MYO3B: variants seen among roughly 807,000 people sequenced by gnomAD.
The protein encoded by MYO3B is myosin IIIB, also known as myosin-IIIb.
A neutral mutation model predicts 174.6 loss-of-function variants in MYO3B; 156 were observed. That is an observed-to-expected ratio of 0.89 (90% CI 0.78 to 1.02). The LOEUF is 1.02. MYO3B is among the 50% of genes least tolerant of loss of function. The probability of loss-of-function intolerance (pLI) is 0.00; values close to 1 mark genes in which losing one functional copy is unlikely to be tolerated. For synonymous variants in MYO3B, 563 were observed against 569.1 expected (o/e 0.99, Z 0.15); for missense variants, 1,632 against 1,639.4 (o/e 1.00, Z 0.08).
rs768974458 is a variant in MYO3B, at chr2:170,580,718, A to ATATATATATGTGTG, written c.3733+36731_3733+36732insATATATATGTGTGT. Among the ~76,000 whole-genome samples the ATATATATATGTGTG allele has an allele frequency of 1.1e-3, 158 of 142,772 alleles. 1 individual carries two copies. Among genetic ancestry groups the ATATATATATGTGTG allele is most frequent in the African/African-American group, 3.3e-3 (127 of 38,250 alleles). The allele number at this position is 142,772 out of a possible 152,430, so 93.7% of individuals were successfully genotyped here. A position where few individuals can be genotyped will look rare whatever the true frequency, so the allele number is the denominator to read the frequency against. On this transcript the variant is annotated intron_variant, in intron 32 of 34. Transcript: ENST00000408978. ...CTTCAGGTCCCACAAAACCTTATAT[A>ATATATATATGTGTG]TGTGTGTGTGTGTGTGTGTGTGTGT...
At chr2:170,382,331 G>T in intron 10 of MYO3B, 2 of 392,956 alleles carry the variant, frequency 5.1e-6, no homozygotes, top group Admixed American at 3.7e-5. Context: ...AAAGGATTTG[G>T]ATTTTTGCAA....
Position 170,442,743 on chromosome 2 carries a change from A to C in MYO3B, c.2651-1224A>C, listed in dbSNP as rs369929453. Among the ~76,000 whole-genome samples, 32 of 152,232 alleles carry C rather than the reference A, an allele frequency of 2.1e-4. 1 individual carries two copies. The highest frequency in any genetic ancestry group is 7.7e-4 in the African/African-American group (32 of 41,546). On this transcript the variant is annotated intron_variant, in intron 22 of 34. Coordinates refer to ENST00000408978, the MANE Select transcript of MYO3B (RefSeq NM_138995.5). ...GTTGAATTCCCACCTATGAGTGAGA[A>C]CATGCAGTATTTGGTTTTCTGTCCT... is the stretch of plus-strand genomic sequence containing the variant.
At chr2:170,212,033 C>T (rs900240336) in intron 3 of MYO3B, among the ~76,000 whole-genome samples, 14 of 151,620 alleles carry the variant, frequency 9.2e-5, no homozygotes, top group African/African-American at 1.7e-4. Flanking sequence ...CACCTGAGGT[C>T]GGGAGTTCAA....
chr2:170,619,059 G>C (rs557352790), intron 32 of MYO3B, among the ~76,000 whole-genome samples: 1 of 152,324 alleles, frequency 6.6e-6, no homozygotes, highest in South Asian at 2.1e-4. Context: ...AGTTAGACCA[G>C]AAATTCTCAG....
At chr2:170,284,901 A>G (rs2093542702) in intron 7 of MYO3B, among the ~76,000 whole-genome samples, 1 of 152,180 alleles carries the variant, frequency 6.6e-6, no homozygotes, top group Non-Finnish European at 1.5e-5. Context: ...ATATGCATAT[A>G]TTTATAATAT....
In MYO3B at chr2:170,475,544, C is replaced by G. The variant is rs1685261388; in HGVS notation, c.3014+8833C>G. ...TGCTGGGATTACAGGTGTGAGCCAC[C>G]ACGTCCAGCTTATTCTCTCCTTTTG... is the stretch of plus-strand genomic sequence containing the variant. On this transcript the variant is annotated intron_variant, in intron 25 of 34. Transcript: ENST00000408978. Among the ~76,000 whole-genome samples the G allele has an allele frequency of 2.0e-5, 3 of 152,128 alleles. No homozygotes were observed. The South Asian group carries it at 6.2e-4, about 32-fold the overall frequency.
At chr2:170,436,136 A>G (rs1231453210) in intron 22 of MYO3B, among the ~76,000 whole-genome samples, 1 of 152,200 alleles carries the variant, frequency 6.6e-6, no homozygotes, top group African/African-American at 2.4e-5. Flanking sequence ...AAATTCCATT[A>G]GATGCCTCTG....
At chr2:170,613,929 G>A (rs1695282435) in intron 32 of MYO3B, among the ~76,000 whole-genome samples, 1 of 152,114 alleles carries the variant, frequency 6.6e-6, no homozygotes, top group Admixed American at 6.6e-5. Context: ...TTGTGATCAT[G>A]TAAGTTAATA....
intron 9 of MYO3B, among the ~76,000 whole-genome samples, chr2:170,370,675 A>G (rs2094235663): frequency 1.6e-5 from 2 of 126,974 alleles, no homozygotes; most frequent in East Asian, 2.5e-4. Context: ...ACACACACAC[A>G]GCACCACCAC....
At chr2:170,357,404 G>A (rs901123495) in intron 8 of MYO3B, among the ~76,000 whole-genome samples, 15 of 144,620 alleles carry the variant, frequency 1.0e-4, no homozygotes, top group African/African-American at 3.5e-4. Context: ...TTATATATAT[G>A]TATATAACTG....
At chr2:170,494,460 G>A (rs1462003932) in intron 25 of MYO3B, among the ~76,000 whole-genome samples, 2 of 152,146 alleles carry the variant, frequency 1.3e-5, no homozygotes, top group Non-Finnish European at 2.9e-5. Context: ...AGATGCGTTG[G>A]CTCATGCCTG....
chr2:170,496,213 A>G (rs2106064157), intron 25 of MYO3B, among the ~76,000 whole-genome samples: 1 of 152,350 alleles, frequency 6.6e-6, no homozygotes, highest in Non-Finnish European at 1.5e-5. Flanking sequence ...TTTCCAGCAA[A>G]TTCAGCATTA....
At chr2:170,519,640 C>A in intron 30 of MYO3B, 100 bp downstream of exon 30, 1 of 1,051,478 alleles carries the variant, frequency 9.5e-7, no homozygotes, top group Non-Finnish European at 1.4e-6. Flanking sequence ...ATTTCTACCA[C>A]TATGGTATTT....
chr2:170,647,086 T>C (rs1200313970), intron 32 of MYO3B: 1 of 315,566 alleles, frequency 3.2e-6, no homozygotes, highest in Non-Finnish European at 6.1e-6. Flanking sequence ...AGATACTCCA[T>C]TTCTTTCTAA....
chr2:170,233,848 A>C (rs2093038549), intron 6 of MYO3B, among the ~76,000 whole-genome samples: 1 of 152,234 alleles, frequency 6.6e-6, no homozygotes, highest in Non-Finnish European at 1.5e-5. Flanking sequence ...TATCACTGCC[A>C]TAACAATACC....
intron 32 of MYO3B, among the ~76,000 whole-genome samples, chr2:170,587,418 T>C (rs1044778968): frequency 6.6e-6 from 1 of 152,304 alleles, no homozygotes; most frequent in African/African-American, 2.4e-5. Context: ...AGAGGCCACA[T>C]TGAGTGACTG....
chr2:170,476,144 C>T (rs1366469116), intron 25 of MYO3B, among the ~76,000 whole-genome samples: 8 of 152,104 alleles, frequency 5.3e-5, no homozygotes, highest in African/African-American at 9.7e-5. Flanking sequence ...AAACCACCTG[C>T]GGGAAGGGGA....
At chr2:170,623,781 T>C (rs1270037406) in intron 32 of MYO3B, among the ~76,000 whole-genome samples, 7 of 152,250 alleles carry the variant, frequency 4.6e-5, no homozygotes, top group African/African-American at 1.7e-4. Flanking sequence ...CAGTTTCATC[T>C]TTCTACATAT....
intron 22 of MYO3B, among the ~76,000 whole-genome samples, chr2:170,427,185 A>G (rs1191486365): frequency 1.3e-5 from 2 of 152,210 alleles, no homozygotes; most frequent in Non-Finnish European, 1.5e-5. Flanking sequence ...CAACCTCTAG[A>G]ATTAGTGTAG....
Sources: gnomAD v4.1 joint callset for allele counts (sites outside exome capture counted in the v4.1 genomes callset) on GRCh38, gnomAD v4.1.1 for gene constraint, MANE v1.5 for transcripts, NCBI Gene and HGNC (gene_info 2026-07-23, HGNC 2026-07-21) for gene names.